Variants in CHST9 observed in about 807,000 individuals in gnomAD.
CHST9 encodes the protein carbohydrate sulfotransferase 9, also known as GalNAc-4-sulfotransferase 2.
CHST9 carries 41 observed loss-of-function variants against 44.4 expected under a neutral mutation model. The ratio of observed to expected loss-of-function variants is 0.92; its 90% CI spans 0.72 to 1.20. The LOEUF is 1.20. CHST9 is among the 50% of genes most tolerant of loss of function. The pLI, the probability that CHST9 is intolerant of heterozygous loss-of-function variation, is 0.00. For missense variants in CHST9, 504 were observed against 516.5 expected (o/e 0.98, Z 0.23); for synonymous variants, 171 against 178.4 (o/e 0.96, Z 0.33).
intron 2 of CHST9, among the ~76,000 whole-genome samples, chr18:27,064,399 A>T (rs978575943): frequency 6.6e-6 from 1 of 152,140 alleles, no homozygotes; most frequent in Non-Finnish European, 1.5e-5. Flanking sequence ...ATACAAGCAG[A>T]GCACTCTGTT....
chr18:27,114,628 T>C (rs978002801), intron 2 of CHST9, among the ~76,000 whole-genome samples: 12 of 152,212 alleles, frequency 7.9e-5, no homozygotes, highest in African/African-American at 2.7e-4. Context: ...ACCCTCAGCC[T>C]GTGGCAACCA....
chr18:27,072,089 T>C lies in CHST9; in HGVS notation c.122-23586A>G, dbSNP rs115441470. Among the ~76,000 whole-genome samples, 1,266 of 152,322 alleles carry C rather than the reference T, an allele frequency of 8.3e-3. 22 individuals are homozygous for C. The highest frequency in any genetic ancestry group is 0.028 in the African/African-American group (1,157 of 41,574). On this transcript the variant is annotated intron_variant, in intron 2 of 5. Transcript: ENST00000618847. The stretch of plus-strand genomic sequence containing the variant: ...GCCCGGTGTGAAGTTTGTTCTTTGA[T>C]TGGACTATAGCTGGGCTTTTGAGAG...
At chr18:27,020,736 T>TTA (rs1283367507) in intron 4 of CHST9, among the ~76,000 whole-genome samples, 1 of 152,176 alleles carries the variant, frequency 6.6e-6, no homozygotes, top group East Asian at 1.9e-4. Flanking sequence ...TATATTTCCT[T>TTA]TATTACTGCC....
At chr18:27,055,790 T>A (rs1268549694) in intron 2 of CHST9, among the ~76,000 whole-genome samples, 1 of 152,162 alleles carries the variant, frequency 6.6e-6, no homozygotes, top group Non-Finnish European at 1.5e-5. Flanking sequence ...GGAAATAGCA[T>A]GATATAACAA....
chr18:27,163,380 C>T (rs2058764146), intron 1 of CHST9, among the ~76,000 whole-genome samples: 1 of 152,196 alleles, frequency 6.6e-6, no homozygotes, highest in Non-Finnish European at 1.5e-5. Context: ...GATTCTGCTG[C>T]CTTTTGTTTG....
At chr18:26,920,815 T>G (rs893513591) in intron 5 of CHST9, among the ~76,000 whole-genome samples, 1 of 152,202 alleles carries the variant, frequency 6.6e-6, no homozygotes, top group Non-Finnish European at 1.5e-5. Context: ...AATAAGCACA[T>G]GGGAATCTGC....
At chr18:26,931,723 G>A (rs2055881227) in intron 5 of CHST9, among the ~76,000 whole-genome samples, 1 of 152,192 alleles carries the variant, frequency 6.6e-6, no homozygotes, top group South Asian at 2.1e-4. Flanking sequence ...GGAGGGAGAG[G>A]CTGTGTGGTA....
intron 2 of CHST9, among the ~76,000 whole-genome samples, chr18:27,090,347 C>A (rs1031152487): frequency 6.6e-6 from 1 of 152,000 alleles, no homozygotes; most frequent in Non-Finnish European, 1.5e-5. Context: ...TGGATATTAG[C>A]CCTTTGTCAG....
intron 1 of CHST9, among the ~76,000 whole-genome samples, chr18:27,157,872 G>C (rs917873257): frequency 3.3e-5 from 5 of 152,064 alleles, no homozygotes; most frequent in Admixed American, 3.3e-4. Context: ...AATAATTAGT[G>C]ATAATTTTAG....
intron 2 of CHST9, among the ~76,000 whole-genome samples, chr18:27,130,695 T>G (rs541364984): frequency 9.2e-5 from 14 of 152,318 alleles, no homozygotes; most frequent in Admixed American, 7.2e-4. Context: ...AGAAACAACT[T>G]TAATGTGCAT....
intron 1 of CHST9, 22 bp downstream of exon 1, chr18:27,185,102 CCCCCAGCCCCAA>C (rs1333202721): frequency 6.6e-6 from 1 of 152,194 alleles, no homozygotes; most frequent in Non-Finnish European, 1.5e-5. Flanking sequence ...CCTCCAGTGC[CCCCCAGCCCCAA>C]CCCCAGCCCC....
chr18:27,125,895 C>T (rs777183017), intron 2 of CHST9, among the ~76,000 whole-genome samples: 1 of 152,038 alleles, frequency 6.6e-6, no homozygotes, highest in East Asian at 1.9e-4. Flanking sequence ...TTCTCCAAAA[C>T]AAAGGAAGTG....
chr18:27,173,352 A>G (rs2058846607), intron 1 of CHST9, among the ~76,000 whole-genome samples: 2 of 152,072 alleles, frequency 1.3e-5, no homozygotes, highest in African/African-American at 4.8e-5. Flanking sequence ...GATCTATTCT[A>G]CACTGAAACT....
chr18:27,137,967 T>A (rs2058530725), intron 2 of CHST9, among the ~76,000 whole-genome samples: 1 of 152,140 alleles, frequency 6.6e-6, no homozygotes, highest in Non-Finnish European at 1.5e-5. Flanking sequence ...CTCCCTGCTC[T>A]CCTCTGGTCC....
chr18:27,162,920 G>GT (rs1225189828), intron 1 of CHST9, among the ~76,000 whole-genome samples: 1 of 152,102 alleles, frequency 6.6e-6, no homozygotes, highest in Middle Eastern at 3.2e-3. Context: ...TTTCTGCTCT[G>GT]TTTTTTCCCC....
chr18:26,973,806 G>A (rs2056583662), intron 4 of CHST9, among the ~76,000 whole-genome samples: 1 of 152,030 alleles, frequency 6.6e-6, no homozygotes. Flanking sequence ...CCCCACCAGG[G>A]GCTATGTGCT....
At chr18:27,064,872 T>C (rs2143627671) in intron 2 of CHST9, among the ~76,000 whole-genome samples, 1 of 152,290 alleles carries the variant, frequency 6.6e-6, no homozygotes, top group East Asian at 1.9e-4. Flanking sequence ...CCAGGCCTGC[T>C]GGGCTATTTG....
chr18:26,917,159 G>T lies in CHST9; in HGVS notation c.432C>A (p.Asn144Lys), dbSNP rs1248326808. 6.2e-7 allele frequency: 1 copy of T among 1,613,896 alleles called. No individual in the cohort carries two copies. Among genetic ancestry groups the T allele is most frequent in the East Asian group, 2.2e-5 (1 of 44,870 alleles). Residue 144 changes from asparagine (N) to lysine (K), a missense_variant, in exon 6 of 6, where the codon AAC becomes AAA. Asn to Lys is a moderately conservative substitution (Grantham distance 94). Coordinates refer to ENST00000618847, the MANE Select transcript of CHST9 (RefSeq NM_031422.6). ...EKRQGAKTVF[N>K]KFSNMNWPVD... Reference sequence around the variant, plus strand: ...CTGGCCAATTCATGTTGCTGAACTTGTTAAAAACAGTCTTAGCTCCTTGAC... The same window carrying T: ...CTGGCCAATTCATGTTGCTGAACTTTTTAAAAACAGTCTTAGCTCCTTGAC...
chr18:27,032,802 T>C (rs750326404), intron 3 of CHST9, among the ~76,000 whole-genome samples: 5 of 152,170 alleles, frequency 3.3e-5, no homozygotes, highest in Non-Finnish European at 4.4e-5. Context: ...ATTTTACATA[T>C]AAGGTGAGAA....
Sources: gnomAD v4.1 joint callset for allele counts (sites outside exome capture counted in the v4.1 genomes callset) on GRCh38, gnomAD v4.1.1 for gene constraint, MANE v1.5 for transcripts, NCBI Gene and HGNC (gene_info 2026-07-23, HGNC 2026-07-21) for gene names.